Variants in NLRP7 observed in about 807,000 individuals in gnomAD.
NLRP7 encodes the protein NLR family pyrin domain containing 7.
Under a neutral mutation model 85.5 loss-of-function variants are expected in NLRP7, and 72 were observed. The ratio of observed to expected loss-of-function variants is 0.84; its 90% CI spans 0.70 to 1.02. The LOEUF is 1.02. NLRP7 is among the 50% of genes least tolerant of loss of function. NLRP7 has a pLI of 0.00. For missense variants in NLRP7, 1,243 were observed against 1,219.5 expected (o/e 1.02, Z -0.29); for synonymous variants, 550 against 505.2 (o/e 1.09, Z -1.19).
At chr19:54,947,165 A>C (rs1261643661) in intron 1 of NLRP7, among the ~76,000 whole-genome samples, 1 of 152,062 alleles carries the variant, frequency 6.6e-6, no homozygotes, top group Non-Finnish European at 1.5e-5. Flanking sequence ...TCTCTACTAA[A>C]AATACAAAAA....
At position 54,934,402 on chromosome 19, in the gene NLRP7, T is replaced by C; in HGVS notation, c.2471+87A>G. 1 of 1,338,320 alleles carries C rather than the reference T, an allele frequency of 7.5e-7. No individual in the cohort carries two copies. Among genetic ancestry groups the C allele is most frequent in the Non-Finnish European group, 1.1e-6 (1 of 928,644 alleles). The allele number at this position is 1,338,320 out of a possible 1,614,324, so 82.9% of individuals were successfully genotyped here. On this transcript the variant is annotated intron_variant, in intron 7 of 9. Transcript: ENST00000340844. This position sits in a 1 kb window ranked among gnomAD's most constrained non-coding sequence, Gnocchi z 6.7. ...GTTTATTTCAGCAAGAGGCGCCACG[T>C]GGGTGGCGCAGTAAGTCAGGTGTTA...
intron 9 of NLRP7, among the ~76,000 whole-genome samples, chr19:54,925,966 C>T (rs1379768246): frequency 6.6e-6 from 1 of 151,632 alleles, no homozygotes; most frequent in Non-Finnish European, 1.5e-5. Flanking sequence ...CACCGCTTCA[C>T]TCCAGCCTGG....
intron 3 of NLRP7, 50 bp from the exon 4 acceptor site, chr19:54,940,516 G>T (rs748539006): frequency 5.0e-6 from 8 of 1,602,814 alleles, no homozygotes; most frequent in Non-Finnish European, 6.8e-6. Flanking sequence ...ATGATTTTCT[G>T]AATTATTTTG....
intron 8 of NLRP7, among the ~76,000 whole-genome samples, chr19:54,931,001 C>T (rs962555474): frequency 2.0e-5 from 3 of 151,904 alleles, no homozygotes; most frequent in Non-Finnish European, 2.9e-5. Flanking sequence ...CCAGCCCGGG[C>T]GACAGAGCGA....
intron 5 of NLRP7, among the ~76,000 whole-genome samples, 158 bp downstream of exon 5, chr19:54,937,884 TAA>T (rs2069005066): frequency 3.0e-5 from 2 of 65,920 alleles, no homozygotes; most frequent in South Asian, 9.0e-4. Flanking sequence ...GCAACAAGAG[TAA>T]ATCTCCGTCT....
exon 2 of NLRP7, chr19:54,941,436 C>A (rs1291321011): frequency 2.6e-6 from 4 of 1,558,406 alleles, no homozygotes; most frequent in African/African-American, 2.7e-5. Flanking sequence ...TCTACTTACC[C>A]ATCATCTCAG....
At position 54,930,744 on chromosome 19, in the gene NLRP7, A is replaced by G. The variant is rs1454857472; in HGVS notation, c.2643-78T>C. 10 of 1,194,258 alleles carry G rather than the reference A, an allele frequency of 8.4e-6. No homozygotes were observed. In the South Asian group the frequency reaches 1.1e-4, roughly 13 times the overall value. 74.0% of individuals were successfully genotyped at this position (1,194,258 alleles called of 1,614,324 possible). A position where few individuals can be genotyped will look rare whatever the true frequency, so the allele number is the denominator to read the frequency against. ...GTGAAGCAGTTATTTCCAACACTAT[A>G]TACCTTCCACTTATATACTGGAATG... On this transcript the variant is annotated intron_variant, in intron 8 of 9. Transcript: ENST00000340844.
At chr19:54,930,570 G>A (rs2146170568) in exon 9 of NLRP7, 1 of 1,612,288 alleles carries the variant, frequency 6.2e-7, no homozygotes, top group South Asian at 1.1e-5. Flanking sequence ...GAGCTATCTG[G>A]TTGATACTCA....
rs771115543 is a variant in NLRP7, at chr19:54,934,669, G to A, written c.2301-10C>T. ...ACAGTGACCTCCCAACCTGTGAAAA[G>A]AGTGGGAAAAGTCATTCTTCTGGGA... is the stretch of plus-strand genomic sequence containing the variant. On this transcript the variant is annotated splice_polypyrimidine_tract_variant and intron_variant, in intron 6 of 9. Transcript: ENST00000340844. This position sits in a 1 kb window ranked among gnomAD's most constrained non-coding sequence, Gnocchi z 6.7. 5 of 1,610,656 alleles carry A rather than the reference G, an allele frequency of 3.1e-6. No homozygotes were observed. The highest frequency in any genetic ancestry group is 3.4e-5 in the Admixed American group (2 of 59,622).
At chr19:54,940,048 C>T (rs1410351515) in exon 4 of NLRP7, 66 of 1,614,078 alleles carry the variant, frequency 4.1e-5, no homozygotes, top group Non-Finnish European at 5.4e-5. Context: ...GGACTTTCAG[C>T]TCATCAAGGC....
At chr19:54,927,993 C>A (rs144437637) in intron 9 of NLRP7, among the ~76,000 whole-genome samples, 137 of 152,156 alleles carry the variant, frequency 9.0e-4, no homozygotes, top group African/African-American at 3.1e-3. Context: ...CTTGGGAGGC[C>A]GAGGAGGGTA....
At chr19:54,926,788 C>T (rs1392871931) in intron 9 of NLRP7, among the ~76,000 whole-genome samples, 5 of 151,608 alleles carry the variant, frequency 3.3e-5, no homozygotes, top group East Asian at 2.0e-4. Context: ...TGGTGGCGAG[C>T]GACTGTAATC....
intron 8 of NLRP7, among the ~76,000 whole-genome samples, 199 bp from the exon 9 acceptor site, chr19:54,930,865 G>A (rs533149380): frequency 3.3e-5 from 5 of 151,810 alleles, no homozygotes; most frequent in South Asian, 2.1e-4. Context: ...ATAGGTGCCC[G>A]CCACCTATAT....
exon 4 of NLRP7, chr19:54,940,169 C>T (rs776575371): frequency 9.9e-6 from 16 of 1,614,080 alleles, no homozygotes; most frequent in Middle Eastern, 1.6e-4. Context: ...GGGGCCCATG[C>T]GGCTGAGCTC....
Position 54,944,075 on chromosome 19 carries a change from C to T in NLRP7, c.-39-2325G>A, listed in dbSNP as rs1458040255. Among the ~76,000 whole-genome samples, 5 of 152,258 alleles carry T rather than the reference C, an allele frequency of 3.3e-5. No homozygotes were observed. The East Asian group carries it at 7.7e-4, about 24-fold the overall frequency. On this transcript the variant is annotated intron_variant, in intron 1 of 9. Coordinates refer to ENST00000340844, the Ensembl canonical transcript of NLRP7. ...AAGCCAGGTATTGTCCAAAGTTTCTCCCCATGTGATAGCCTGAGATAAGGC... is the reference window on the plus strand; with the variant it reads ...AAGCCAGGTATTGTCCAAAGTTTCTTCCCATGTGATAGCCTGAGATAAGGC...
At chr19:54,927,619 G>A (rs765796793) in intron 9 of NLRP7, 1 of 1,613,930 alleles carries the variant, frequency 6.2e-7, no homozygotes, top group Non-Finnish European at 8.5e-7. Flanking sequence ...GTATCTTCAA[G>A]GATCCAGTTC....
chr19:54,948,122 G>T (rs1437960754), upstream of NLRP7, among the ~76,000 whole-genome samples: 2 of 152,280 alleles, frequency 1.3e-5, no homozygotes, highest in African/African-American at 2.4e-5. Context: ...GGTAGCTCAT[G>T]CCTGTAGTCC....
chr19:54,940,883 C>T (rs2069191046), intron 3 of NLRP7, 48 bp downstream of exon 3: 1 of 1,114,058 alleles, frequency 9.0e-7, no homozygotes, highest in Admixed American at 1.7e-5. Flanking sequence ...ATGCACCTTG[C>T]ATGCTCTCAA....
chr19:54,939,928 C>T (rs1447875748), exon 4 of NLRP7: 1 of 1,614,142 alleles, frequency 6.2e-7, no homozygotes, highest in South Asian at 1.1e-5. Flanking sequence ...TGGTGACCAG[C>T]AAGGCTGCCC....
Sources: gnomAD v4.1 joint callset for allele counts (sites outside exome capture counted in the v4.1 genomes callset) on GRCh38, gnomAD v4.1.1 for gene constraint, Gnocchi (gnomAD v3.1) non-coding constraint, MANE v1.5 for transcripts, NCBI Gene and HGNC (gene_info 2026-07-23, HGNC 2026-07-21) for gene names.